BEND6: variants seen among roughly 807,000 people sequenced by gnomAD.
The protein encoded by BEND6 is BEN domain-containing protein 6.
BEND6 carries 24 observed loss-of-function variants against 31.8 expected under a neutral mutation model. The ratio of observed to expected loss-of-function variants is 0.75; its 90% CI spans 0.55 to 1.06. The LOEUF is 1.06. Among genes scored for constraint, BEND6 ranks in the 50% least tolerant of loss-of-function variants. The pLI, the probability that BEND6 is intolerant of heterozygous loss-of-function variation, is 0.00. For missense variants in BEND6, 294 were observed against 327.4 expected (o/e 0.90, Z 0.79); for synonymous variants, 109 against 114.6 (o/e 0.95, Z 0.31).
At chr6:56,958,718 C>T (rs1825181873) in intron 1 of BEND6, among the ~76,000 whole-genome samples, 2 of 152,108 alleles carry the variant, frequency 1.3e-5, no homozygotes, top group African/African-American at 2.4e-5. Context: ...CATTTCTGGC[C>T]TGGAGGATAG....
At chr6:57,015,796 G>GC (rs780778254) in intron 4 of BEND6, among the ~76,000 whole-genome samples, 4 of 148,114 alleles carry the variant, frequency 2.7e-5, no homozygotes, top group Non-Finnish European at 5.9e-5. Flanking sequence ...GGGCGACAGA[G>GC]CGAGACTCCG....
At chr6:57,022,781 C>G (rs759095736) in intron 6 of BEND6, among the ~76,000 whole-genome samples, 7 of 152,120 alleles carry the variant, frequency 4.6e-5, no homozygotes, top group Admixed American at 2.0e-4. Flanking sequence ...CTACAAACTT[C>G]CATCTCAGTA....
intron 5 of BEND6, 78 bp from the exon 6 acceptor site, chr6:57,018,343 G>C: frequency 7.0e-7 from 1 of 1,426,208 alleles, no homozygotes; most frequent in East Asian, 2.6e-5. Flanking sequence ...TAGAATACTT[G>C]ATGTTTTACC....
At chr6:56,957,096 C>T (rs912648855) in intron 1 of BEND6, among the ~76,000 whole-genome samples, 4 of 152,156 alleles carry the variant, frequency 2.6e-5, no homozygotes, top group African/African-American at 7.2e-5. Context: ...TTGCCCCAAA[C>T]GCTATATTTT....
chr6:56,966,922 C>T (rs939092134), intron 1 of BEND6, among the ~76,000 whole-genome samples: 3 of 152,098 alleles, frequency 2.0e-5, no homozygotes, highest in African/African-American at 7.2e-5. Context: ...AAAAAATAAA[C>T]CCCTTTGCCA....
chr6:57,024,432 A>G (rs1030245763), intron 6 of BEND6, among the ~76,000 whole-genome samples: 3 of 152,068 alleles, frequency 2.0e-5, no homozygotes, highest in African/African-American at 7.2e-5. Context: ...TCTCTGGGAA[A>G]GATTTTACAT....
intron 1 of BEND6, among the ~76,000 whole-genome samples, chr6:56,959,703 A>G (rs184683257): frequency 1.3e-5 from 2 of 152,338 alleles, no homozygotes; most frequent in African/African-American, 4.8e-5. Context: ...AAGGAAAATA[A>G]TTGTAACTTG....
chr6:57,003,673 C>T (rs1827032732), intron 3 of BEND6, among the ~76,000 whole-genome samples: 1 of 152,186 alleles, frequency 6.6e-6, no homozygotes, highest in South Asian at 2.1e-4. Context: ...CTCTCCAGCT[C>T]ATTCCACAAA....
rs139719372 is a variant in BEND6 at position 56,979,154 on chromosome 6, A to G, written c.-100-2557A>G. On this transcript the variant is annotated intron_variant, in intron 1 of 6. Coordinates refer to ENST00000370746, the MANE Select transcript of BEND6 (RefSeq NM_152731.3). The stretch of plus-strand genomic sequence containing the variant: ...ATTTCCATATTTCAAAATCCATTTT[A>G]TTGTGCAATTTGAGGCGCTTCCACC... Among the ~76,000 whole-genome samples, 417 of 152,328 alleles carry G rather than the reference A, an allele frequency of 2.7e-3. 3 individuals carry two copies. In the East Asian group the frequency reaches 0.036, roughly 13 times the overall value.
chr6:56,970,029 G>T (rs1020236353), intron 1 of BEND6, among the ~76,000 whole-genome samples: 2 of 152,098 alleles, frequency 1.3e-5, no homozygotes, highest in African/African-American at 4.8e-5. Context: ...AGAGCAGACA[G>T]AATAGAAACT....
At chr6:56,984,213 C>T (rs924668162) in intron 2 of BEND6, among the ~76,000 whole-genome samples, 1 of 150,524 alleles carries the variant, frequency 6.6e-6, no homozygotes, top group African/African-American at 2.4e-5. Context: ...AGAGCCAGAC[C>T]TTGTCTCAAC....
At chr6:56,968,650 C>T (rs150576913) in intron 1 of BEND6, among the ~76,000 whole-genome samples, 82 of 152,158 alleles carry the variant, frequency 5.4e-4, no homozygotes, top group African/African-American at 1.9e-3. Context: ...CCTACATAAT[C>T]TCTAATCCAG....
intron 3 of BEND6, chr6:57,004,456 C>T (rs1260560898): frequency 1.8e-5 from 11 of 613,518 alleles, no homozygotes; most frequent in South Asian, 3.3e-5. Context: ...GCCAGCCCTC[C>T]GCTGCCTCCT....
intron 1 of BEND6, among the ~76,000 whole-genome samples, chr6:56,972,421 A>G (rs542878454): frequency 7.9e-5 from 12 of 152,260 alleles, no homozygotes; most frequent in Non-Finnish European, 1.3e-4. Context: ...TAAGAATTTT[A>G]TAACTAATTT....
At chr6:57,008,172 C>G in intron 3 of BEND6, 1 of 702,902 alleles carries the variant, frequency 1.4e-6, no homozygotes, top group South Asian at 1.5e-5. Flanking sequence ...TATCTTATCT[C>G]CTTTACAGCT....
At chr6:56,972,109 T>G (rs1312677400) in intron 1 of BEND6, among the ~76,000 whole-genome samples, 1 of 145,208 alleles carries the variant, frequency 6.9e-6, no homozygotes, top group Non-Finnish European at 1.5e-5. Flanking sequence ...TTTTTTTTTT[T>G]TTTGAGACAG....
chr6:56,969,199 A>G (rs1825601672), intron 1 of BEND6, among the ~76,000 whole-genome samples: 2 of 152,226 alleles, frequency 1.3e-5, no homozygotes, highest in South Asian at 4.1e-4. Context: ...TGAGAAAGCC[A>G]TGCATTTGTT....
At chr6:57,011,715 C>CAAAAAAAAAA (rs770049459) in intron 3 of BEND6, among the ~76,000 whole-genome samples, 143 of 29,292 alleles carry the variant, frequency 4.9e-3, no homozygotes, top group Non-Finnish European at 6.5e-3. Context: ...GGCCCTGTCT[C>CAAAAAAAAAA]AAAAAAAAAA....
intron 1 of BEND6, among the ~76,000 whole-genome samples, chr6:56,957,227 T>C (rs1360413095): frequency 1.3e-5 from 2 of 152,214 alleles, no homozygotes; most frequent in Non-Finnish European, 2.9e-5. Flanking sequence ...CACAAGAACA[T>C]CATTTATCTC....
Sources: gnomAD v4.1 joint callset for allele counts (sites outside exome capture counted in the v4.1 genomes callset) on GRCh38, gnomAD v4.1.1 for gene constraint, MANE v1.5 for transcripts, NCBI Gene and HGNC (gene_info 2026-07-23, HGNC 2026-07-21) for gene names.